FNTB: variants seen among roughly 807,000 people sequenced by gnomAD.
FNTB encodes protein farnesyltransferase subunit beta.
In FNTB, 27 loss-of-function variants were observed where a neutral mutation model predicts 59.4. That is an observed-to-expected ratio of 0.45 (90% CI 0.34 to 0.63). The LOEUF is 0.63. Ranked by LOEUF, FNTB falls within the 20% of genes least tolerant of loss-of-function variation. The probability of loss-of-function intolerance (pLI) is 0.02; values close to 1 mark genes in which losing one functional copy is unlikely to be tolerated. For synonymous variants in FNTB, 230 were observed against 220.7 expected, an observed-to-expected ratio of 1.04 and a Z score of -0.37; for missense variants, 449 against 559.6, an observed-to-expected ratio of 0.80 and a Z score of 1.99.
rs756207758 is a variant in FNTB at position 65,030,365 on chromosome 14, A to G, written c.606-2245A>G. Among the ~76,000 whole-genome samples, 1 of 152,232 alleles carries G rather than the reference A, an allele frequency of 6.6e-6. No individual in the cohort carries two copies. Among genetic ancestry groups the G allele is most frequent in the Non-Finnish European group, 1.5e-5 (1 of 68,048 alleles). ...GGCTGCTAAAAATGCTGGTAGGATC[A>G]TAATGCATGCAGCTTCTGCAGAGAC... On this transcript the variant is annotated intron_variant, in intron 6 of 11. Coordinates refer to ENST00000246166, the MANE Select transcript of FNTB (RefSeq NM_002028.4). This position sits in a 1 kb window ranked among gnomAD's most constrained non-coding sequence, Gnocchi z 4.5.
rs555837062 is a variant in FNTB at position 65,031,458 on chromosome 14, C to T, written c.606-1152C>T. 1.1e-4 allele frequency among the ~76,000 whole-genome samples: 17 copies of T among 151,888 alleles called. No homozygotes were observed. Among genetic ancestry groups the T allele is most frequent in the East Asian group, 9.9e-4 (5 of 5,070 alleles). On this transcript the variant is annotated intron_variant, in intron 6 of 11. Coordinates refer to ENST00000246166, the MANE Select transcript of FNTB (RefSeq NM_002028.4). The surrounding 1 kb of genome is among the most constrained non-coding windows in gnomAD (Gnocchi z 4.6). Reference sequence around the variant, plus strand: ...TCAGCCTCCCAAGTAGTTGGGACTACGGGCACACGCCACCATGCCCAGCTA... The same window carrying T: ...TCAGCCTCCCAAGTAGTTGGGACTATGGGCACACGCCACCATGCCCAGCTA...
intron 7 of FNTB, among the ~76,000 whole-genome samples, chr14:65,035,130 G>T (rs967793470): frequency 6.6e-6 from 1 of 152,164 alleles, no homozygotes; most frequent in African/African-American, 2.4e-5. Flanking sequence ...TCAGTTTCTG[G>T]CAGCCTGCAT....
At position 64,991,787 on chromosome 14, in the gene FNTB, AGGAG is replaced by A. The variant is rs935038882; in HGVS notation, c.144+4695_144+4698del. Among the ~76,000 whole-genome samples the A allele has an allele frequency of 2.6e-5, 4 of 152,088 alleles. No individual in the cohort carries two copies. The highest frequency in any genetic ancestry group is 5.9e-5 in the Non-Finnish European group (4 of 68,022). On this transcript the variant is annotated intron_variant, in intron 1 of 11. Coordinates refer to ENST00000246166, the MANE Select transcript of FNTB (RefSeq NM_002028.4). This position sits in a 1 kb window ranked among gnomAD's most constrained non-coding sequence, Gnocchi z 4.4. ...AAATAGAGTTTGGGGCAGCCATTCA[AGGAG>A]GGAGAGCTGTTTTGAGGGAAGACTC...
At chr14:64,999,138 A>C (rs1888509729) in intron 1 of FNTB, among the ~76,000 whole-genome samples, 1 of 152,234 alleles carries the variant, frequency 6.6e-6, no homozygotes. Flanking sequence ...ATTTATAGAG[A>C]TAGAAAGTAA....
chr14:65,058,893 T>A (rs1279941463), intron 11 of FNTB, among the ~76,000 whole-genome samples: 1 of 152,230 alleles, frequency 6.6e-6, no homozygotes, highest in African/African-American at 2.4e-5. Context: ...ATTTAGGATT[T>A]TTTTGCATGT....
In FNTB at chr14:64,991,051, C is replaced by T. The variant is rs1186809105; in HGVS notation, c.144+3954C>T. Among the ~76,000 whole-genome samples the T allele has an allele frequency of 6.6e-6, 1 of 152,102 alleles. No individual in the cohort carries two copies. Among genetic ancestry groups the T allele is most frequent in the African/African-American group, 2.4e-5 (1 of 41,404 alleles). ...CCCATTGCAGACACTCTGATTCAGG[C>T]CAGTAGGTTAATACTGATAGTCTCA... On this transcript the variant is annotated intron_variant, in intron 1 of 11. Transcript: ENST00000246166. The surrounding 1 kb of genome is among the most constrained non-coding windows in gnomAD (Gnocchi z 4.4).
At position 65,061,426 on chromosome 14, in the gene FNTB, G is replaced by A. The variant is rs1595113538; in HGVS notation, c.*114G>A. 3 of 1,462,352 alleles carry A rather than the reference G, an allele frequency of 2.1e-6. No homozygotes were observed. Among genetic ancestry groups the A allele is most frequent in the Non-Finnish European group, 2.7e-6 (3 of 1,099,224 alleles). 90.6% of individuals were successfully genotyped at this position (1,462,352 alleles called of 1,614,324 possible). A position where few individuals can be genotyped will look rare whatever the true frequency, so the allele number is the denominator to read the frequency against. On this transcript the variant is annotated 3_prime_UTR_variant, in exon 12 of 12. Transcript: ENST00000246166. ...CACAAGCCTTAGCCTCAGTGGAGCT[G>A]TGGTTCTCTTGGTACTTTCTTGTCA...
At position 65,047,150 on chromosome 14, in the gene FNTB, T is replaced by C. The variant is rs1333423893; in HGVS notation, c.955+2707T>C. 1.3e-5 allele frequency among the ~76,000 whole-genome samples: 2 copies of C among 152,352 alleles called. No individual in the cohort carries two copies. The highest frequency in any genetic ancestry group is 3.4e-3 in the Middle Eastern group (1 of 294). ...TTTCTACTACAACTGCCACTACTAC[T>C]GGTAGCGGAGTCTTCCCAAGCCCTC... is the stretch of plus-strand genomic sequence containing the variant. On this transcript the variant is annotated intron_variant, in intron 9 of 11. Transcript: ENST00000246166. The surrounding 1 kb of genome is among the most constrained non-coding windows in gnomAD (Gnocchi z 5.2).
At chr14:64,989,728 G>A (rs755065741) in intron 1 of FNTB, among the ~76,000 whole-genome samples, 20 of 152,286 alleles carry the variant, frequency 1.3e-4, no homozygotes, top group South Asian at 1.0e-3. Flanking sequence ...CGCCTTCTAC[G>A]TGCCAGGCAC....
chr14:65,019,845 T>C (rs1430294321), intron 4 of FNTB, among the ~76,000 whole-genome samples: 1 of 152,242 alleles, frequency 6.6e-6, no homozygotes, highest in Non-Finnish European at 1.5e-5. Flanking sequence ...TTTAGTAAGA[T>C]ACAGATAAAT....
intron 8 of FNTB, among the ~76,000 whole-genome samples, chr14:65,041,978 G>A (rs553028526): frequency 7.9e-5 from 12 of 152,264 alleles, no homozygotes; most frequent in African/African-American, 2.6e-4. Context: ...TGGGCAAATT[G>A]TCTAATCTCT....
At chr14:65,008,662 G>A (rs1175100790) in intron 2 of FNTB, among the ~76,000 whole-genome samples, 1 of 152,212 alleles carries the variant, frequency 6.6e-6, no homozygotes, top group Admixed American at 6.5e-5. Flanking sequence ...CCAGGCAGAG[G>A]GAACAGCATG....
chr14:65,054,782 G>A lies in FNTB; in HGVS notation c.1182+93G>A, dbSNP rs781552685. The A allele has an allele frequency of 5.3e-5, 73 of 1,365,704 alleles. No homozygotes were observed. Among genetic ancestry groups the A allele is most frequent in the Non-Finnish European group, 7.2e-5 (71 of 992,178 alleles). The allele number at this position is 1,365,704 out of a possible 1,614,324, so 84.6% of individuals were successfully genotyped here. A position where few individuals can be genotyped will look rare whatever the true frequency, so the allele number is the denominator to read the frequency against. On this transcript the variant is annotated intron_variant, in intron 11 of 11. Coordinates refer to ENST00000246166, the MANE Select transcript of FNTB (RefSeq NM_002028.4). The surrounding 1 kb of genome is among the most constrained non-coding windows in gnomAD (Gnocchi z 4.4). The stretch of plus-strand genomic sequence containing the variant: ...AAGCAGAACTGGCTCTGCATTTCCT[G>A]TGTGGACAGGCGGAAGCTTGTGGTC...
rs142067321 is a variant in FNTB at position 65,038,054 on chromosome 14, C to T, written c.693-2736C>T. Among the ~76,000 whole-genome samples, 773 of 152,160 alleles carry T rather than the reference C, an allele frequency of 5.1e-3. 6 individuals carry two copies. The highest frequency in any genetic ancestry group is 0.018 in the African/African-American group (746 of 41,516). ...TGCTGGGATTACAGGCATGAGCCCC[C>T]GCACCTGGCCAGCCTTTTAAAAATA... On this transcript the variant is annotated intron_variant, in intron 7 of 11. Coordinates refer to ENST00000246166, the MANE Select transcript of FNTB (RefSeq NM_002028.4).
At chr14:65,005,446 TTCTTTTCTTTC>T (rs1428102302) in intron 2 of FNTB, among the ~76,000 whole-genome samples, 1 of 150,856 alleles carries the variant, frequency 6.6e-6, no homozygotes, top group Non-Finnish European at 1.5e-5. Flanking sequence ...TTCTCTTCCT[TTCTTTTCTTTC>T]TTTCTTTCTT....
rs561584193 is a variant in FNTB at position 64,986,985 on chromosome 14, G to A, written c.32G>A (p.Cys11Tyr). 6 of 1,614,164 alleles carry A rather than the reference G, an allele frequency of 3.7e-6. No individual in the cohort carries two copies. In the East Asian group the frequency reaches 8.9e-5, roughly 24 times the overall value. The change falls in exon 1 of 12, where the codon TGC becomes TAC. Residue 11 changes from cysteine to tyrosine, a missense_variant. By Grantham distance (194) the Cys-to-Tyr change is radical (BLOSUM62 -2). Around this residue, in one of 2 missense-constraint regions of FNTB, gnomAD observed 112 missense variants for 80.5 expected, o/e 1.39. Coordinates refer to ENST00000246166, the MANE Select transcript of FNTB (RefSeq NM_002028.4). ...TCTCCGAGTTCTTTCACCTACTATT[G>A]CCCTCCATCTTCCTCCCCCGTCTGG... is the stretch of plus-strand genomic sequence containing the variant. MASPSSFTYYCPPSSSPVWSE... is the reference protein window; with the variant it reads MASPSSFTYYYPPSSSPVWSE...
Position 65,052,234 on chromosome 14 carries a change from T to C in FNTB, c.956-1004T>C, listed in dbSNP as rs533886704. Among the ~76,000 whole-genome samples the C allele has an allele frequency of 2.6e-5, 4 of 152,276 alleles. No homozygotes were observed. The East Asian group carries it at 7.7e-4, about 29-fold the overall frequency. On this transcript the variant is annotated intron_variant, in intron 9 of 11. Coordinates refer to ENST00000246166, the MANE Select transcript of FNTB (RefSeq NM_002028.4). ...TGGCTATGCAGATTATGTAATAGAA[T>C]AGAAAATTTATGCCTATAGTGGTAT...
rs1196353039 is a variant in FNTB at position 65,061,449 on chromosome 14, TCAAA to T, written c.*142_*145del. 4.3e-6 allele frequency: 6 copies of T among 1,392,332 alleles called. No homozygotes were observed. The African/African-American group carries it at 8.7e-5, about 20-fold the overall frequency. The allele number at this position is 1,392,332 out of a possible 1,614,324, so 86.2% of individuals were successfully genotyped here. On this transcript the variant is annotated 3_prime_UTR_variant, in exon 12 of 12. Coordinates refer to ENST00000246166, the MANE Select transcript of FNTB (RefSeq NM_002028.4). ...CTGTGGTTCTCTTGGTACTTTCTTG[TCAAA>T]CAAAACCAATGGCTCTGGGTTTGGA...
At chr14:65,005,649 C>CTGCCCTGTCT (rs1566865268) in intron 2 of FNTB, among the ~76,000 whole-genome samples, 1 of 151,450 alleles carries the variant, frequency 6.6e-6, no homozygotes, top group East Asian at 1.9e-4. Flanking sequence ...CTGCCCTGCC[C>CTGCCCTGTCT]TGCCCTGTCT....
Sources: allele counts gnomAD v4.1 joint callset (sites outside exome capture counted in the v4.1 genomes callset), GRCh38; gene constraint gnomAD v4.1.1; regional missense constraint gnomAD v4.1.1; non-coding constraint Gnocchi (gnomAD v3.1); transcripts MANE v1.5; gene names NCBI Gene and HGNC (gene_info 2026-07-23, HGNC 2026-07-21).